Variants in DGKB observed in about 807,000 individuals in gnomAD.
DGKB encodes diacylglycerol kinase beta.
Under a neutral mutation model 114.3 loss-of-function variants are expected in DGKB, and 67 were observed. That is an observed-to-expected ratio of 0.59 (90% CI 0.48 to 0.72). The LOEUF is 0.72. Among genes scored for constraint, DGKB ranks in the 30% least tolerant of loss-of-function variants. DGKB has a pLI of 0.00. For missense variants in DGKB, 907 were observed against 975.2 expected (o/e 0.93, Z 0.93); for synonymous variants, 398 against 323.1 (o/e 1.23, Z -2.49).
chr7:14,519,407 A>G (rs187910690), intron 20 of DGKB, among the ~76,000 whole-genome samples: 53 of 152,232 alleles, frequency 3.5e-4, no homozygotes, highest in African/African-American at 1.1e-3. Flanking sequence ...CTACCATGTT[A>G]TAGCACATAG....
At chr7:14,177,953 T>C (rs1782032446) in intron 24 of DGKB, 78 bp downstream of exon 24, 2 of 1,397,804 alleles carry the variant, frequency 1.4e-6, no homozygotes, top group East Asian at 2.5e-5. Flanking sequence ...AATGTTACTA[T>C]CAGAGTTCTG....
intron 21 of DGKB, among the ~76,000 whole-genome samples, chr7:14,429,194 C>T (rs998285698): frequency 2.6e-4 from 40 of 152,070 alleles, no homozygotes; most frequent in African/African-American, 9.4e-4. Flanking sequence ...TGTTAAAATC[C>T]TAATCTCCCG....
chr7:14,827,165 G>C (rs1160377620), intron 2 of DGKB, among the ~76,000 whole-genome samples: 3 of 152,116 alleles, frequency 2.0e-5, no homozygotes, highest in Non-Finnish European at 4.4e-5. Flanking sequence ...GTGTATTCTA[G>C]GTGTATTTTT....
At chr7:14,364,317 C>T (rs1404495107) in intron 21 of DGKB, among the ~76,000 whole-genome samples, 1 of 151,726 alleles carries the variant, frequency 6.6e-6, no homozygotes, top group Non-Finnish European at 1.5e-5. Flanking sequence ...CCCAGAAGTG[C>T]TGGCAAGTGA....
In DGKB at chr7:14,493,023, G is replaced by A. The variant is rs545883593; in HGVS notation, c.1771-14798C>T. On this transcript the variant is annotated intron_variant, in intron 20 of 25. Coordinates refer to ENST00000402815, the MANE Select transcript of DGKB (RefSeq NM_001350709.2). ...GCTTAATCTATGCAAACTTTCAGAGGCATATTTGCCTAGTGTTAGTATTTC... is the reference window on the plus strand; with the variant it reads ...GCTTAATCTATGCAAACTTTCAGAGACATATTTGCCTAGTGTTAGTATTTC... 5.3e-5 allele frequency among the ~76,000 whole-genome samples: 8 copies of A among 152,054 alleles called. No individual in the cohort carries two copies. The South Asian group carries it at 1.2e-3, about 24-fold the overall frequency.
chr7:14,328,997 T>C (rs1197932017), intron 23 of DGKB, among the ~76,000 whole-genome samples: 1 of 151,938 alleles, frequency 6.6e-6, no homozygotes. Context: ...CTCAGTGTGG[T>C]GGGACTCATG....
intron 1 of DGKB, among the ~76,000 whole-genome samples, chr7:14,862,734 G>T (rs1238743034): frequency 6.6e-6 from 1 of 151,966 alleles, no homozygotes; most frequent in African/African-American, 2.4e-5. Context: ...AAAGCCAAAA[G>T]AAAAGAATCA....
intron 14 of DGKB, among the ~76,000 whole-genome samples, chr7:14,623,356 G>T (rs951787306): frequency 6.6e-6 from 1 of 152,072 alleles, no homozygotes; most frequent in Non-Finnish European, 1.5e-5. Flanking sequence ...AGAAAGATCG[G>T]ATTTTATTTG....
chr7:14,170,145 A>AAAAAAGAAAGAAAGAAAGAAAGAAAG, intron 25 of DGKB, among the ~76,000 whole-genome samples: 1 of 99,982 alleles, frequency 1.0e-5, no homozygotes, highest in Non-Finnish European at 2.0e-5. Flanking sequence ...AAAAAAAAAA[A>AAAAAAGAAAGAAAGAAAGAAAGAAAG]AAAGAAAGAA....
intron 23 of DGKB, among the ~76,000 whole-genome samples, chr7:14,299,336 A>T (rs576466582): frequency 6.6e-6 from 1 of 152,284 alleles, no homozygotes; most frequent in East Asian, 1.9e-4. Flanking sequence ...AGCCTGTTTA[A>T]TATGTAGAAT....
intron 1 of DGKB, among the ~76,000 whole-genome samples, chr7:14,842,330 T>C (rs1387162640): frequency 6.6e-6 from 1 of 152,200 alleles, no homozygotes; most frequent in Non-Finnish European, 1.5e-5. Flanking sequence ...TCTTCCAATA[T>C]CAACCCCAGG....
rs562322477 is a variant in DGKB at position 14,900,478 on chromosome 7, G to A, written c.-188+2114C>T. Among the ~76,000 whole-genome samples, 4 of 152,172 alleles carry A rather than the reference G, an allele frequency of 2.6e-5. 1 individual carries two copies. Among genetic ancestry groups the A allele is most frequent in the African/African-American group, 9.6e-5 (4 of 41,544 alleles). On this transcript the variant is annotated intron_variant, in intron 1 of 25. Transcript: ENST00000402815. ...GGATCATCTTGAAATGTCATTTCAA[G>A]CCTATAGATCACATCATAGTCGTTA...
chr7:14,833,843 A>G (rs1846767268), intron 2 of DGKB, among the ~76,000 whole-genome samples: 1 of 151,968 alleles, frequency 6.6e-6, no homozygotes, highest in African/African-American at 2.4e-5. Context: ...AATACTTTCT[A>G]TTCAAATTAA....
intron 1 of DGKB, among the ~76,000 whole-genome samples, chr7:14,948,340 AGACACAACTAAGCCT>A (rs1316680870): frequency 6.6e-6 from 1 of 151,826 alleles, no homozygotes; most frequent in African/African-American, 2.4e-5. Flanking sequence ...ATGTTTTGTC[AGACACAACTAAGCCT>A]CTGCATGAAC....
chr7:14,412,488 C>T (rs1208763510), intron 21 of DGKB, among the ~76,000 whole-genome samples: 1 of 152,012 alleles, frequency 6.6e-6, no homozygotes, highest in Non-Finnish European at 1.5e-5. Flanking sequence ...GGAAAGAGAG[C>T]CCGGGGAAAG....
In DGKB at chr7:14,532,491, T is replaced by C. The variant is rs1478834620; in HGVS notation, c.1770+41721A>G. Among the ~76,000 whole-genome samples the C allele has an allele frequency of 3.3e-5, 5 of 151,616 alleles. No individual in the cohort carries two copies. The East Asian group carries it at 9.6e-4, about 29-fold the overall frequency. ...AAAACTAAGAGAGCTGGAGTGGATT[T>C]ATTAATATATGAGAAAATAAACTTT... On this transcript the variant is annotated intron_variant, in intron 20 of 25. Transcript: ENST00000402815.
At chr7:14,718,849 C>T in intron 5 of DGKB, 164 bp from the exon 6 acceptor site, 1 of 559,064 alleles carries the variant, frequency 1.8e-6, no homozygotes, top group Non-Finnish European at 3.1e-6. Flanking sequence ...TAGACATAGC[C>T]TACGACTGTT....
At chr7:14,927,731 T>A (rs1784819302) in intron 1 of DGKB, among the ~76,000 whole-genome samples, 1 of 151,942 alleles carries the variant, frequency 6.6e-6, no homozygotes, top group African/African-American at 2.4e-5. Flanking sequence ...TAGAAAAATA[T>A]CAGAGAATGA....
intron 1 of DGKB, among the ~76,000 whole-genome samples, chr7:14,910,298 GAAAGA>G (rs1783930621): frequency 8.6e-6 from 1 of 116,742 alleles, no homozygotes; most frequent in East Asian, 2.3e-4. Context: ...AAGAAAGAAA[GAAAGA>G]AAGAAAGAAA....
Sources: gnomAD v4.1 joint callset for allele counts (sites outside exome capture counted in the v4.1 genomes callset) on GRCh38, gnomAD v4.1.1 for gene constraint, MANE v1.5 for transcripts, NCBI Gene and HGNC (gene_info 2026-07-23, HGNC 2026-07-21) for gene names.